Variants in HAUS7 observed in about 807,000 individuals in gnomAD.
HAUS7 encodes HAUS augmin-like complex subunit 7.
In HAUS7, 3 loss-of-function variants were observed where a neutral mutation model predicts 28.4. The ratio of observed to expected loss-of-function variants is 0.11; its 90% CI spans 0.05 to 0.27. The LOEUF is 0.27. Ranked by LOEUF, HAUS7 falls within the 10% of genes least tolerant of loss-of-function variation. The probability of loss-of-function intolerance (pLI) is 1.00; values close to 1 mark genes in which losing one functional copy is unlikely to be tolerated. For synonymous variants in HAUS7, 165 were observed against 132.1 expected, an observed-to-expected ratio of 1.25 and a Z score of -1.71; for missense variants, 284 against 297.3, an observed-to-expected ratio of 0.96 and a Z score of 0.33.
At chrX:153,468,595 G>T (rs2089482250) in intron 2 of HAUS7, among the ~76,000 whole-genome samples, 1 of 112,359 alleles carries the variant, frequency 8.9e-6, no homozygotes, top group African/African-American at 3.2e-5. Flanking sequence ...AGGGTGCCAG[G>T]CACACACCAT....
intron 1 of HAUS7, among the ~76,000 whole-genome samples, chrX:153,469,617 G>A (rs2089495339): frequency 8.9e-6 from 1 of 112,988 alleles, no homozygotes; most frequent in African/African-American, 3.2e-5. Context: ...GTGGGCCGCC[G>A]CGCCCAGTCC....
At chrX:153,453,670 G>C (rs782179122) in intron 9 of HAUS7, among the ~76,000 whole-genome samples, 28 of 110,547 alleles carry the variant, frequency 2.5e-4, no homozygotes, top group Non-Finnish European at 4.2e-4. Context: ...AGATCAATGA[G>C]AGAAAGAGTG....
intron 1 of HAUS7, among the ~76,000 whole-genome samples, chrX:153,480,416 C>A (rs1253421608): frequency 2.7e-5 from 3 of 111,273 alleles, no homozygotes; most frequent in Non-Finnish European, 5.7e-5. Context: ...CTGCTGCTGA[C>A]GGTGGGGACA....
chrX:153,465,884 G>A (rs1358853260), intron 2 of HAUS7, among the ~76,000 whole-genome samples: 1 of 112,290 alleles, frequency 8.9e-6, no homozygotes, highest in Non-Finnish European at 1.9e-5. Flanking sequence ...CGGCCGCTGG[G>A]GCCACAGGCT....
chrX:153,457,702 G>A (rs1271040564), intron 4 of HAUS7, among the ~76,000 whole-genome samples: 8 of 113,211 alleles, frequency 7.1e-5, no homozygotes, highest in East Asian at 2.8e-4. Flanking sequence ...GTTCCAGCCC[G>A]GAAGGCCCAG....
chrX:153,480,957 G>A, intron 1 of HAUS7: 1 of 755,423 alleles, frequency 1.3e-6, no homozygotes, highest in Non-Finnish European at 1.6e-6. Flanking sequence ...GAGGACAGGA[G>A]GCCGGGAAGA....
rs782396252 is a variant in HAUS7 at position 153,462,597 on chromosome X, G to A, written c.354+13C>T. 7 of 1,167,140 alleles carry A rather than the reference G, an allele frequency of 6.0e-6. No individual in the cohort carries two copies. Among genetic ancestry groups the A allele is most frequent in the Non-Finnish European group, 8.2e-6 (7 of 854,365 alleles). On this transcript the variant is annotated intron_variant, in intron 4 of 9. Coordinates refer to ENST00000370211, the MANE Select transcript of HAUS7 (RefSeq NM_001385482.1). ...GTGCGTGCCGTCTGCAGAGCAGACA[G>A]AGGCCCTCTTACCTTGAGGAGCTCC...
At chrX:153,458,055 G>A (rs954683520) in intron 4 of HAUS7, among the ~76,000 whole-genome samples, 2 of 113,574 alleles carry the variant, frequency 1.8e-5, no homozygotes, top group Non-Finnish European at 3.7e-5. Flanking sequence ...GCTCCTTGGC[G>A]GGCTTGGGGA....
chrX:153,447,863 A>G lies in HAUS7; in HGVS notation c.*15T>C. On this transcript the variant is annotated 3_prime_UTR_variant, in exon 10 of 10. Transcript: ENST00000370211. The stretch of plus-strand genomic sequence containing the variant: ...CCCATCCTGTGCTTTGGCGTAGGCC[A>G]TCACTGAAGACTTTCTATTTCTCCA... 8.4e-7 allele frequency: 1 copy of G among 1,189,041 alleles called. No individual in the cohort carries two copies. The highest frequency in any genetic ancestry group is 1.1e-6 in the Non-Finnish European group (1 of 874,229).
At chrX:153,494,467 CT>C (rs1192026770) in intron 1 of HAUS7, among the ~76,000 whole-genome samples, 1 of 112,278 alleles carries the variant, frequency 8.9e-6, no homozygotes, top group Non-Finnish European at 1.9e-5. Context: ...TCCACAACAG[CT>C]ACCTCTCTGA....
chrX:153,458,376 A>G (rs1556982720), intron 4 of HAUS7, among the ~76,000 whole-genome samples: 1 of 113,035 alleles, frequency 8.8e-6, no homozygotes, highest in Non-Finnish European at 1.9e-5. Context: ...GCCTATCTAC[A>G]TGCTGCACAG....
chrX:153,484,654 C>A (rs1404689159), intron 1 of HAUS7, among the ~76,000 whole-genome samples: 1 of 112,870 alleles, frequency 8.9e-6, no homozygotes, highest in Admixed American at 9.3e-5. Flanking sequence ...TGCATCCTTG[C>A]GTTCCAGGAA....
At chrX:153,455,161 C>T in intron 8 of HAUS7, 1 of 442,473 alleles carries the variant, frequency 2.3e-6, no homozygotes, top group Non-Finnish European at 4.0e-6. Flanking sequence ...GCCTGTCTGG[C>T]ACAGTTCTTG....
At chrX:153,465,312 C>CAAAA (rs72146941) in intron 2 of HAUS7, among the ~76,000 whole-genome samples, 2 of 57,170 alleles carry the variant, frequency 3.5e-5, no homozygotes, top group Non-Finnish European at 3.2e-5. Context: ...TTCTCAAGAC[C>CAAAA]AAAAAAAAAA....
At chrX:153,492,209 G>A (rs1389612649) in intron 1 of HAUS7, among the ~76,000 whole-genome samples, 1 of 113,504 alleles carries the variant, frequency 8.8e-6, no homozygotes, top group African/African-American at 3.2e-5. Flanking sequence ...AAGGCTGCCC[G>A]CCCGCCAGCT....
At position 153,465,135 on chromosome X, in the gene HAUS7, T is replaced by C. The variant is rs892114625; in HGVS notation, c.225-80A>G. The C allele has an allele frequency of 4.2e-5, 27 of 638,416 alleles. No homozygotes were observed. In the African/African-American group the frequency reaches 5.0e-4, roughly 12 times the overall value. The allele number at this position is 638,416 out of a possible 1,213,427, so 52.6% of individuals were successfully genotyped here. On this transcript the variant is annotated intron_variant, in intron 2 of 9. Transcript: ENST00000370211. ...GGCCCTCTATACGCGCTGGAAGAAGTGAATTCCTGTGCACGTGCTCAACGG... is the reference window on the plus strand; with the variant it reads ...GGCCCTCTATACGCGCTGGAAGAAGCGAATTCCTGTGCACGTGCTCAACGG...
chrX:153,482,121 G>T (rs1287961143), intron 1 of HAUS7, among the ~76,000 whole-genome samples: 3 of 112,282 alleles, frequency 2.7e-5, no homozygotes, highest in Non-Finnish European at 5.6e-5. Context: ...GCTGGGAGTA[G>T]GGGGAGCAGC....
At position 153,483,333 on chromosome X, in the gene HAUS7, A is replaced by G. The variant is rs916214273; in HGVS notation, c.-589+12041T>C. ...CTGCACCTGGGCACCAACCTCATCG[A>G]GGAGGTGGCGGAGGGCGCACTGAGC... On this transcript the variant is annotated intron_variant, in intron 1 of 5. Transcript: ENST00000370210. 6.2e-5 allele frequency: 47 copies of G among 753,985 alleles called. No individual in the cohort carries two copies. In the African/African-American group the frequency reaches 9.6e-4, roughly 15 times the overall value. The allele number at this position is 753,985 out of a possible 1,213,427, so 62.1% of individuals were successfully genotyped here. A position where few individuals can be genotyped will look rare whatever the true frequency, so the allele number is the denominator to read the frequency against.
intron 1 of HAUS7, among the ~76,000 whole-genome samples, chrX:153,483,769 C>T (rs1556987872): frequency 8.9e-6 from 1 of 112,050 alleles, no homozygotes; most frequent in Non-Finnish European, 1.9e-5. Flanking sequence ...TTTGCCCTCC[C>T]GTGCCTAGGC....
Sources: allele counts gnomAD v4.1 joint callset (sites outside exome capture counted in the v4.1 genomes callset), GRCh38; gene constraint gnomAD v4.1.1; transcripts MANE v1.5; gene names NCBI Gene and HGNC (gene_info 2026-07-23, HGNC 2026-07-21).